MGAT4C: variants seen among roughly 807,000 people sequenced by gnomAD.
MGAT4C encodes the protein alpha-1,3-mannosyl-glycoprotein 4-beta-N-acetylglucosaminyltransferase C.
A neutral mutation model predicts 40.1 loss-of-function variants in MGAT4C; 19 were observed. The ratio of observed to expected loss-of-function variants is 0.47; its 90% CI spans 0.33 to 0.70. The LOEUF is 0.70. Among genes scored for constraint, MGAT4C ranks in the 30% least tolerant of loss-of-function variants. MGAT4C has a pLI of 0.02. For synonymous variants in MGAT4C, 181 were observed against 187.1 expected (o/e 0.97, Z 0.27); for missense variants, 491 against 563.2 (o/e 0.87, Z 1.30).
chr12:86,627,664 A>T (rs186786811), intron 2 of MGAT4C, among the ~76,000 whole-genome samples: 308 of 152,314 alleles, frequency 2.0e-3, no homozygotes, highest in Non-Finnish European at 2.6e-3. Flanking sequence ...GACTGTTAGG[A>T]GGAAAACTAT....
At chr12:86,203,975 A>AATATATAT (rs56952745) in intron 1 of MGAT4C, among the ~76,000 whole-genome samples, 5 of 137,062 alleles carry the variant, frequency 3.6e-5, no homozygotes, top group Admixed American at 7.6e-5. Context: ...AAAAAAAAGA[A>AATATATAT]ATATATATAT....
chr12:86,212,611 G>T (rs1003663555), intron 1 of MGAT4C, among the ~76,000 whole-genome samples: 1 of 151,494 alleles, frequency 6.6e-6, no homozygotes, highest in Non-Finnish European at 1.5e-5. Context: ...ACTCATGGCC[G>T]GGCGCGGTGG....
intron 4 of MGAT4C, among the ~76,000 whole-genome samples, chr12:86,269,425 T>G (rs1039011638): frequency 3.3e-5 from 5 of 152,096 alleles, no homozygotes; most frequent in Non-Finnish European, 7.4e-5. Flanking sequence ...TAACATTTCT[T>G]GACAGTAGTC....
chr12:86,397,523 G>A (rs1956282764), intron 3 of MGAT4C, among the ~76,000 whole-genome samples: 2 of 152,048 alleles, frequency 1.3e-5, no homozygotes, highest in South Asian at 2.1e-4. Flanking sequence ...TATGAATCAA[G>A]TCAAGCAGAT....
At chr12:86,690,475 T>C (rs1037440306) in intron 2 of MGAT4C, among the ~76,000 whole-genome samples, 2 of 152,130 alleles carry the variant, frequency 1.3e-5, no homozygotes, top group African/African-American at 2.4e-5. Flanking sequence ...GGTCTGCTGG[T>C]GGCGAAAACC....
chr12:86,029,137 C>G (rs138128017), intron 2 of MGAT4C, among the ~76,000 whole-genome samples: 1 of 151,830 alleles, frequency 6.6e-6, no homozygotes, highest in South Asian at 2.1e-4. Flanking sequence ...TATACATAAC[C>G]ATCATATTTA....
intron 2 of MGAT4C, among the ~76,000 whole-genome samples, chr12:86,571,496 T>C (rs2136422395): frequency 6.6e-6 from 1 of 152,262 alleles, no homozygotes; most frequent in East Asian, 1.9e-4. Context: ...AACTGAAATT[T>C]AAAGTACTGC....
chr12:86,835,870 AAC>A (rs1417713066), intron 1 of MGAT4C, among the ~76,000 whole-genome samples: 3 of 151,504 alleles, frequency 2.0e-5, no homozygotes, highest in South Asian at 4.2e-4. Context: ...CACACACACA[AAC>A]ACACACACAA....
chr12:86,554,281 G>T (rs1311941205), intron 2 of MGAT4C, among the ~76,000 whole-genome samples: 1 of 152,092 alleles, frequency 6.6e-6, no homozygotes, highest in Admixed American at 6.6e-5. Context: ...ACTGCTGCAT[G>T]CTCTCTATCC....
intron 4 of MGAT4C, among the ~76,000 whole-genome samples, chr12:86,273,325 A>G (rs1019539382): frequency 2.0e-5 from 3 of 152,184 alleles, no homozygotes; most frequent in Admixed American, 6.5e-5. Context: ...TTGGTACTTT[A>G]TAACAATTAA....
chr12:86,067,324 A>T (rs1894641138), intron 1 of MGAT4C, among the ~76,000 whole-genome samples: 2 of 152,220 alleles, frequency 1.3e-5, no homozygotes, highest in South Asian at 4.1e-4. Flanking sequence ...CCTATCAGTG[A>T]TAGACTGGAT....
intron 1 of MGAT4C, among the ~76,000 whole-genome samples, chr12:86,162,504 G>A (rs1048342042): frequency 2.0e-5 from 3 of 152,052 alleles, no homozygotes; most frequent in African/African-American, 7.2e-5. Context: ...AGGGTGGAGG[G>A]GGAGTGAGTT....
intron 4 of MGAT4C, among the ~76,000 whole-genome samples, chr12:85,982,669 T>C (rs1298742560): frequency 1.3e-5 from 2 of 152,190 alleles, no homozygotes; most frequent in Non-Finnish European, 2.9e-5. Flanking sequence ...GCTCCAAATA[T>C]ATTTTTTTAA....
chr12:86,614,098 T>C (rs186968192), intron 2 of MGAT4C, among the ~76,000 whole-genome samples: 26 of 151,928 alleles, frequency 1.7e-4, no homozygotes, highest in Admixed American at 3.3e-4. Flanking sequence ...TAATGGGGAG[T>C]ATAAAGAAAA....
intron 1 of MGAT4C, among the ~76,000 whole-genome samples, chr12:86,767,587 C>T (rs1410294322): frequency 1.3e-5 from 2 of 152,158 alleles, no homozygotes; most frequent in Admixed American, 6.6e-5. Context: ...AGACCAATAT[C>T]CTTGATGAAC....
Position 86,242,253 on chromosome 12 carries a change from G to A in MGAT4C, c.-57+13986C>T, listed in dbSNP as rs12318124. Among the ~76,000 whole-genome samples the A allele has an allele frequency of 7.9e-3, 1,202 of 152,172 alleles. 23 individuals are homozygous for A. The highest frequency in any genetic ancestry group is 0.028 in the African/African-American group (1,147 of 41,514). On this transcript the variant is annotated intron_variant, in intron 1 of 4. Coordinates refer to ENST00000611864, the MANE Select transcript of MGAT4C (RefSeq NM_001351288.2). Reference sequence around the variant, plus strand: ...CCCATTCAGTCTAACTCCAGAGAACGCGTTACAAAAAATCTCCATTTGCAG... The same window carrying A: ...CCCATTCAGTCTAACTCCAGAGAACACGTTACAAAAAATCTCCATTTGCAG...
chr12:86,650,228 C>A (rs915692065), intron 2 of MGAT4C, among the ~76,000 whole-genome samples: 1 of 151,854 alleles, frequency 6.6e-6, no homozygotes, highest in Non-Finnish European at 1.5e-5. Flanking sequence ...TATCCTACAA[C>A]AAAGAGTTAC....
chr12:86,005,689 C>A (rs939552788), intron 2 of MGAT4C, among the ~76,000 whole-genome samples: 1 of 152,114 alleles, frequency 6.6e-6, no homozygotes, highest in Non-Finnish European at 1.5e-5. Context: ...CTTGGCTGGA[C>A]TTCTTAGCTT....
At chr12:86,299,239 C>T (rs2136137520) in intron 4 of MGAT4C, among the ~76,000 whole-genome samples, 1 of 152,280 alleles carries the variant, frequency 6.6e-6, no homozygotes, top group East Asian at 1.9e-4. Context: ...GCTTCAGCCT[C>T]CTGTGTAGCT....
Sources: gnomAD v4.1 joint callset for allele counts (sites outside exome capture counted in the v4.1 genomes callset) on GRCh38, gnomAD v4.1.1 for gene constraint, MANE v1.5 for transcripts, NCBI Gene and HGNC (gene_info 2026-07-23, HGNC 2026-07-21) for gene names.